The following PPP2R2B variants were observed in gnomAD, a reference collection of about 807,000 sequenced individuals.
PPP2R2B encodes the protein protein phosphatase 2 regulatory subunit Bbeta, also known as serine/threonine-protein phosphatase 2A 55 kDa regulatory subunit B beta isoform.
In PPP2R2B, 5 loss-of-function variants were observed where a neutral mutation model predicts 46.0. The observed-to-expected ratio is 0.11, with a 90% CI of 0.06 to 0.23. The LOEUF is 0.23. Among genes scored for constraint, PPP2R2B ranks in the 10% least tolerant of loss-of-function variants. PPP2R2B has a pLI of 1.00. For missense variants in PPP2R2B, 367 were observed against 575.0 expected, an observed-to-expected ratio of 0.64 and a Z score of 3.70; for synonymous variants, 215 against 206.7, an observed-to-expected ratio of 1.04 and a Z score of -0.34.
At chr5:146,592,782 G>A (rs956547624) in intron 9 of PPP2R2B, among the ~76,000 whole-genome samples, 189 bp downstream of exon 9, 2 of 152,162 alleles carry the variant, frequency 1.3e-5, no homozygotes, top group Non-Finnish European at 2.9e-5. Flanking sequence ...GGATTCAAAG[G>A]CCTTACTACA....
chr5:146,617,412 C>T (rs1403590246), intron 7 of PPP2R2B, among the ~76,000 whole-genome samples: 1 of 152,030 alleles, frequency 6.6e-6, no homozygotes, highest in East Asian at 1.9e-4. Context: ...ATGAATATAC[C>T]GTTTACCCCA....
chr5:146,854,461 T>C lies in PPP2R2B; in HGVS notation c.70+23541A>G, dbSNP rs185305003. On this transcript the variant is annotated intron_variant, in intron 2 of 9. Transcript: ENST00000394411. ...TCTCTCTTCTGGCTTCTTTGAAATATGCAATACATTGTTGCTAACTACAGT... is the reference window on the plus strand; with the variant it reads ...TCTCTCTTCTGGCTTCTTTGAAATACGCAATACATTGTTGCTAACTACAGT... Among the ~76,000 whole-genome samples, 265 of 152,276 alleles carry C rather than the reference T, an allele frequency of 1.7e-3. 1 individual carries two copies. The highest frequency in any genetic ancestry group is 5.7e-3 in the African/African-American group (237 of 41,576).
exon 1 of PPP2R2B, chr5:147,055,776 A>G (rs1253102649): frequency 1.3e-6 from 2 of 1,574,778 alleles, no homozygotes; most frequent in South Asian, 2.3e-5. Context: ...CTAAATAAAA[A>G]AACAGTCTCC....
chr5:147,019,116 C>T (rs920316803), intron 1 of PPP2R2B, among the ~76,000 whole-genome samples: 15 of 152,080 alleles, frequency 9.9e-5, no homozygotes, highest in African/African-American at 3.6e-4. Flanking sequence ...AAATCTGGCA[C>T]TTAGTTAGAA....
At position 146,709,214 on chromosome 5, in the gene PPP2R2B, C is replaced by G. The variant is rs1780077586; in HGVS notation, c.71-8072G>C. On this transcript the variant is annotated intron_variant, in intron 2 of 9. Transcript: ENST00000394411. ...ATGAAAGAATACAGATAGAAGGGTC[C>G]AATAGCTCCAAGTCCCAAGCTCTTA... Among the ~76,000 whole-genome samples the G allele has an allele frequency of 2.0e-5, 3 of 152,142 alleles. No homozygotes were observed. The South Asian group carries it at 6.2e-4, about 32-fold the overall frequency.
At chr5:146,743,136 T>A (rs529360031) in intron 2 of PPP2R2B, among the ~76,000 whole-genome samples, 2 of 152,182 alleles carry the variant, frequency 1.3e-5, no homozygotes, top group Non-Finnish European at 2.9e-5. Context: ...ACAAACCAGG[T>A]CCTATGGTAA....
In PPP2R2B at chr5:146,959,154, A is replaced by T. The variant is rs556889281; in HGVS notation, c.79+96511T>A. On this transcript the variant is annotated intron_variant, in intron 1 of 8. Transcript: ENST00000336640. ...GTATAGTAGAAACCTGGAAATTCTAAGTCTAAAGTCTTTGCCTTCAAATAT... is the reference window on the plus strand; with the variant it reads ...GTATAGTAGAAACCTGGAAATTCTATGTCTAAAGTCTTTGCCTTCAAATAT... 5.3e-5 allele frequency among the ~76,000 whole-genome samples: 8 copies of T among 152,324 alleles called. No individual in the cohort carries two copies. The East Asian group carries it at 1.5e-3, about 29-fold the overall frequency.
At chr5:147,022,367 G>A (rs548417613) in intron 1 of PPP2R2B, among the ~76,000 whole-genome samples, 1 of 151,748 alleles carries the variant, frequency 6.6e-6, no homozygotes, top group Non-Finnish European at 1.5e-5. Flanking sequence ...GACCATCCTG[G>A]TCAACATAAT....
intron 2 of PPP2R2B, among the ~76,000 whole-genome samples, chr5:146,874,929 C>T (rs1271716508): frequency 6.6e-6 from 1 of 152,158 alleles, no homozygotes; most frequent in Non-Finnish European, 1.5e-5. Flanking sequence ...TCAAATTTTC[C>T]CTGCAAAGGA....
At chr5:146,856,451 T>C (rs770437575) in intron 2 of PPP2R2B, 2 of 1,404,696 alleles carry the variant, frequency 1.4e-6, no homozygotes. Flanking sequence ...AACACTTCTA[T>C]ACTGCTACTT....
chr5:146,849,584 G>A (rs1329308263), intron 2 of PPP2R2B, among the ~76,000 whole-genome samples: 1 of 152,016 alleles, frequency 6.6e-6, no homozygotes, highest in Non-Finnish European at 1.5e-5. Context: ...TACAAAATAC[G>A]GATTTCAAAG....
chr5:146,783,191 T>G (rs1192087249), intron 2 of PPP2R2B, among the ~76,000 whole-genome samples: 2 of 152,174 alleles, frequency 1.3e-5, no homozygotes, highest in African/African-American at 4.8e-5. Context: ...GATGACATAT[T>G]TGTGATCTAT....
intron 6 of PPP2R2B, among the ~76,000 whole-genome samples, chr5:146,645,370 A>C (rs895604102): frequency 6.6e-6 from 1 of 152,358 alleles, no homozygotes; most frequent in East Asian, 1.9e-4. Context: ...GCTTAAAAAA[A>C]AGTCAATGTG....
chr5:147,061,338 G>A (rs1757251019), intron 2 of PPP2R2B, among the ~76,000 whole-genome samples: 1 of 152,072 alleles, frequency 6.6e-6, no homozygotes. Flanking sequence ...TCTTGGAGGA[G>A]GTGACATTTG....
At chr5:146,817,236 G>A (rs1279810199) in intron 2 of PPP2R2B, among the ~76,000 whole-genome samples, 1 of 152,058 alleles carries the variant, frequency 6.6e-6, no homozygotes, top group Admixed American at 6.6e-5. Context: ...TGACATTTAA[G>A]GTACTTATGC....
At chr5:147,064,989 A>G (rs1478930852) in intron 2 of PPP2R2B, among the ~76,000 whole-genome samples, 4 of 152,300 alleles carry the variant, frequency 2.6e-5, no homozygotes, top group South Asian at 4.1e-4. Context: ...TCATGCATTT[A>G]TTCAATATGT....
chr5:146,962,991 G>T (rs1431721089), intron 1 of PPP2R2B, among the ~76,000 whole-genome samples: 1 of 152,138 alleles, frequency 6.6e-6, no homozygotes, highest in Non-Finnish European at 1.5e-5. Flanking sequence ...GAGAACACAG[G>T]CCCCTTTACT....
chr5:146,807,776 CTTTTTTTTTTTTTTTTTTTTTTTTTTTT>C (rs10583721), intron 2 of PPP2R2B, among the ~76,000 whole-genome samples: 1 of 36,902 alleles, frequency 2.7e-5, no homozygotes, highest in African/African-American at 7.9e-5. Context: ...GGGGTGCCTT[CTTTTTTTTTTTTTTTTTTTTTTTTTTTT>C]TTTTTTTTTT....
intron 1 of PPP2R2B, chr5:147,035,119 A>G (rs1755971093): frequency 4.4e-6 from 2 of 455,924 alleles, no homozygotes; most frequent in South Asian, 1.5e-5. Context: ...TATTGTATAA[A>G]TAACTGCCTG....
Sources: gnomAD v4.1 joint callset for allele counts (sites outside exome capture counted in the v4.1 genomes callset) on GRCh38, gnomAD v4.1.1 for gene constraint, MANE v1.5 for transcripts, NCBI Gene and HGNC (gene_info 2026-07-23, HGNC 2026-07-21) for gene names.